The following JAKMIP3 variants were observed in gnomAD, a reference collection of about 807,000 sequenced individuals.
JAKMIP3 encodes the protein Janus kinase and microtubule interacting protein 3.
JAKMIP3 carries 58 observed loss-of-function variants against 118.5 expected under a neutral mutation model. The observed-to-expected ratio is 0.49, with a 90% CI of 0.40 to 0.61. The LOEUF (loss-of-function observed/expected upper bound fraction) is 0.61, where lower values mean the gene tolerates loss of function less well. Among genes scored for constraint, JAKMIP3 ranks in the 20% least tolerant of loss-of-function variants. JAKMIP3 has a pLI of 0.00. For missense variants in JAKMIP3, 950 were observed against 1,109.0 expected (o/e 0.86, Z 2.04); for synonymous variants, 486 against 451.2 (o/e 1.08, Z -0.98).
intron 1 of JAKMIP3, among the ~76,000 whole-genome samples, chr10:132,097,029 G>A (rs1057467654): frequency 6.6e-6 from 1 of 152,226 alleles, no homozygotes; most frequent in South Asian, 2.1e-4. Flanking sequence ...CAGGAGAGAC[G>A]CCACGGCGAG....
At chr10:132,164,310 C>G (rs1274391872) in intron 20 of JAKMIP3, among the ~76,000 whole-genome samples, 1 of 152,242 alleles carries the variant, frequency 6.6e-6, no homozygotes, top group Admixed American at 6.5e-5. Context: ...GAGGCTCTCT[C>G]TGTGCCCAGC....
In JAKMIP3 at chr10:132,148,705, G is replaced by T. The variant is rs372739673; in HGVS notation, c.1848+655G>T. Among the ~76,000 whole-genome samples the T allele has an allele frequency of 1.6e-4, 24 of 152,374 alleles. No homozygotes were observed. The East Asian group carries it at 4.4e-3, about 28-fold the overall frequency. ...GTGTCCTCTGCCATGACCTGCACAG[G>T]AGGAGGGAGGAGGGGAATCCCACGG... On this transcript the variant is annotated intron_variant, in intron 14 of 23. Transcript: ENST00000684848.
intron 23 of JAKMIP3, among the ~76,000 whole-genome samples, chr10:132,175,507 C>T (rs1364739130): frequency 6.6e-6 from 1 of 152,150 alleles, no homozygotes; most frequent in Non-Finnish European, 1.5e-5. Flanking sequence ...GCCGGCAGAG[C>T]CAGCGTGTCT....
intron 23 of JAKMIP3, among the ~76,000 whole-genome samples, chr10:132,180,415 A>C (rs2060633838): frequency 8.7e-6 from 1 of 115,562 alleles, no homozygotes; most frequent in African/African-American, 3.4e-5. Context: ...GACAGTGCCC[A>C]GAAAGGGGAG....
chr10:132,102,536 G>A (rs528313936), intron 1 of JAKMIP3, among the ~76,000 whole-genome samples: 32 of 152,312 alleles, frequency 2.1e-4, no homozygotes, highest in African/African-American at 7.0e-4. Flanking sequence ...GGTGGAGGCC[G>A]GCGGCCCTGC....
chr10:132,098,547 C>CT (rs1382322684), intron 1 of JAKMIP3, among the ~76,000 whole-genome samples: 2 of 152,196 alleles, frequency 1.3e-5, no homozygotes, highest in Non-Finnish European at 2.9e-5. Context: ...TCTTGTCCAT[C>CT]TTGAAGCATC....
At chr10:132,180,578 T>G (rs201041556) in intron 23 of JAKMIP3, among the ~76,000 whole-genome samples, 1 of 23,820 alleles carries the variant, frequency 4.2e-5, no homozygotes, top group Admixed American at 4.9e-4. Flanking sequence ...CGTGTGTGTG[T>G]GCGTGCGCGT....
At chr10:132,111,140 A>C (rs960310375) in intron 2 of JAKMIP3, among the ~76,000 whole-genome samples, 9 of 152,180 alleles carry the variant, frequency 5.9e-5, no homozygotes, top group Non-Finnish European at 8.8e-5. Context: ...CCCAGCTCTA[A>C]TGGAGGGGCC....
chr10:132,106,187 CA>C (rs1564904497), intron 2 of JAKMIP3, among the ~76,000 whole-genome samples: 1 of 151,752 alleles, frequency 6.6e-6, no homozygotes, highest in Admixed American at 6.6e-5. Flanking sequence ...AAAATGGACA[CA>C]TTACGCAGGT....
rs1554962911 is a variant in JAKMIP3 at position 132,180,598 on chromosome 10, C to CGCGT, written c.*1104-1758_*1104-1757insCGTG. The stretch of plus-strand genomic sequence containing the variant: ...GTGTGTGCGTGCGCGTGTGTGTGTG[C>CGCGT]GTGCGCGTGTGTGTGTGCGTGTGTG... On this transcript the variant is annotated intron_variant, in intron 23 of 23. Coordinates refer to ENST00000684848, the MANE Select transcript of JAKMIP3 (RefSeq NM_001323087.2). 4.2e-3 allele frequency among the ~76,000 whole-genome samples: 31 copies of CGCGT among 7,368 alleles called. 2 individuals carry two copies. Among genetic ancestry groups the CGCGT allele is most frequent in the East Asian group, 0.025 (4 of 160 alleles). The allele number at this position is 7,368 out of a possible 152,430, so 4.8% of individuals were successfully genotyped here. A position where few individuals can be genotyped will look rare whatever the true frequency, so the allele number is the denominator to read the frequency against.
chr10:132,115,380 G>A (rs2047482034), intron 2 of JAKMIP3, among the ~76,000 whole-genome samples: 1 of 152,224 alleles, frequency 6.6e-6, no homozygotes, highest in African/African-American at 2.4e-5. Context: ...GATGGGCTGG[G>A]ATCCCACCAG....
chr10:132,167,644 G>A (rs886937126), intron 22 of JAKMIP3, among the ~76,000 whole-genome samples: 1 of 152,122 alleles, frequency 6.6e-6, no homozygotes, highest in African/African-American at 2.4e-5. Context: ...ATCATTGTTC[G>A]CCTCGGTCCT....
chr10:132,110,379 G>A (rs894123883), intron 2 of JAKMIP3, among the ~76,000 whole-genome samples: 4 of 152,400 alleles, frequency 2.6e-5, no homozygotes, highest in African/African-American at 7.2e-5. Flanking sequence ...TGGGGCCCAC[G>A]ATAGATGGGC....
At position 132,140,431 on chromosome 10, in the gene JAKMIP3, CG is replaced by C. The variant is rs1564950701; in HGVS notation, c.1345-19del. On this transcript the variant is annotated intron_variant, in intron 9 of 23. Transcript: ENST00000684848. ...TGCCTGGGTCTGGTTTGAACTGACA[CG>C]TCGCATTTTGGTCACAAGCCGGTGG... The C allele has an allele frequency of 6.2e-7, 1 of 1,613,278 alleles. No homozygotes were observed. The highest frequency in any genetic ancestry group is 1.1e-5 in the South Asian group (1 of 91,078).
chr10:132,062,912 G>T (rs752262393), upstream of JAKMIP3, among the ~76,000 whole-genome samples: 3 of 152,146 alleles, frequency 2.0e-5, no homozygotes, highest in Non-Finnish European at 2.9e-5. Flanking sequence ...TTTTTGCTTG[G>T]ATAATAACTG....
chr10:132,096,035 TG>T (rs150598423), intron 1 of JAKMIP3, among the ~76,000 whole-genome samples: 26 of 152,148 alleles, frequency 1.7e-4, no homozygotes, highest in South Asian at 1.5e-3. Flanking sequence ...GCTGTGGTCT[TG>T]GGGGGGTCTT....
At chr10:132,102,829 G>A (rs550604341) in intron 1 of JAKMIP3, among the ~76,000 whole-genome samples, 29 of 152,290 alleles carry the variant, frequency 1.9e-4, no homozygotes, top group African/African-American at 7.0e-4. Flanking sequence ...CCCTCCCATG[G>A]TCCTGTGGAC....
chr10:132,086,848 C>T (rs186232027), intron 1 of JAKMIP3, among the ~76,000 whole-genome samples: 145 of 152,264 alleles, frequency 9.5e-4, no homozygotes, highest in Non-Finnish European at 2.4e-4. Context: ...GGCTTTAGGC[C>T]ATTTACATTC....
In JAKMIP3 at chr10:132,117,638, GGGGCGGGCGTGGGCGAGGGT is replaced by G. The variant is rs1564919640; in HGVS notation, c.633+66_633+85del. ...AGGGGCGGGCGTGGGCGAGGGTGCA[GGGGCGGGCGTGGGCGAGGGT>G]GCAGGCGTGGGCTCGGGGAGCACGC... is the stretch of plus-strand genomic sequence containing the variant. On this transcript the variant is annotated intron_variant, in intron 3 of 23. Transcript: ENST00000684848. This position sits in a 1 kb window ranked among gnomAD's most constrained non-coding sequence, Gnocchi z 8.6. 7.4e-6 allele frequency: 10 copies of G among 1,360,404 alleles called. No homozygotes were observed. In the East Asian group the frequency reaches 7.9e-5, roughly 11 times the overall value. The allele number at this position is 1,360,404 out of a possible 1,614,324, so 84.3% of individuals were successfully genotyped here.
Sources: gnomAD v4.1 joint callset for allele counts (sites outside exome capture counted in the v4.1 genomes callset) on GRCh38, gnomAD v4.1.1 for gene constraint, Gnocchi (gnomAD v3.1) non-coding constraint, MANE v1.5 for transcripts, NCBI Gene and HGNC (gene_info 2026-07-23, HGNC 2026-07-21) for gene names.